The following ROCK1 variants were observed in gnomAD, a reference collection of about 807,000 sequenced individuals.
The protein encoded by ROCK1 is rho-associated protein kinase 1.
A neutral mutation model predicts 196.8 loss-of-function variants in ROCK1; 36 were observed. The ratio of observed to expected loss-of-function variants is 0.18; its 90% confidence interval spans 0.14 to 0.24. ROCK1 has a LOEUF of 0.24. Among genes scored for constraint, ROCK1 ranks in the 10% least tolerant of loss-of-function variants. The pLI is 1.00. For synonymous variants in ROCK1, 443 were observed against 515.9 expected, an observed-to-expected ratio of 0.86 and a Z score of 1.91; for missense variants, 920 against 1,562.0, an observed-to-expected ratio of 0.59 and a Z score of 6.93.
chr18:21,058,397 T>C (rs2036261949), intron 2 of ROCK1, among the ~76,000 whole-genome samples: 1 of 152,190 alleles, frequency 6.6e-6, no homozygotes, highest in Non-Finnish European at 1.5e-5. Flanking sequence ...TTCAAAGTTT[T>C]TTTAAATGTC....
At chr18:21,067,645 C>T (rs1490635794) in intron 2 of ROCK1, among the ~76,000 whole-genome samples, 1 of 152,124 alleles carries the variant, frequency 6.6e-6, no homozygotes, top group East Asian at 1.9e-4. Flanking sequence ...CCTCAGCCTC[C>T]CAAAGTGCTG....
chr18:21,002,137 T>C (rs2035730449), intron 16 of ROCK1, among the ~76,000 whole-genome samples: 1 of 152,172 alleles, frequency 6.6e-6, no homozygotes, highest in Admixed American at 6.6e-5. Context: ...TAAAATCACC[T>C]ACAAACATTG....
intron 16 of ROCK1, among the ~76,000 whole-genome samples, chr18:21,001,577 CAACATGGTGA>C (rs2035724570): frequency 6.6e-6 from 1 of 151,758 alleles, no homozygotes; most frequent in Non-Finnish European, 1.5e-5. Context: ...ACATCCTGGC[CAACATGGTGA>C]AACCCTGTCT....
chr18:21,071,118 T>C (rs1218126885), intron 1 of ROCK1, among the ~76,000 whole-genome samples: 1 of 152,088 alleles, frequency 6.6e-6, no homozygotes, highest in Non-Finnish European at 1.5e-5. Flanking sequence ...CTTTCTTTCT[T>C]TGAGGCACTT....
chr18:21,032,695 T>C (rs1337066596), intron 9 of ROCK1, among the ~76,000 whole-genome samples: 1 of 150,716 alleles, frequency 6.6e-6, no homozygotes, highest in Non-Finnish European at 1.5e-5. Context: ...ATTTTTTTTT[T>C]TTTTTTTGTA....
At chr18:21,085,871 T>C (rs570981057) in intron 1 of ROCK1, among the ~76,000 whole-genome samples, 2 of 152,144 alleles carry the variant, frequency 1.3e-5, no homozygotes, top group Non-Finnish European at 2.9e-5. Context: ...GTCACAAAAA[T>C]ATATTCACGG....
rs1568367428 is a variant in ROCK1 at position 20,959,105 on chromosome 18, A to ATATATTATATAATATATATAATAT, written c.3512+734_3512+735insATATTATATATATTATATAATATA. On this transcript the variant is annotated intron_variant, in intron 29 of 32. Transcript: ENST00000399799. ...ATATATTTTATATAATATATATATTATATATATATTATATAATATATATAT... is the reference window on the plus strand; with the variant it reads ...ATATATTTTATATAATATATATATTATATATTATATAATATATATAATATTATATATATTATATAATATATATAT... Among the ~76,000 whole-genome samples, 33 of 33,884 alleles carry ATATATTATATAATATATATAATAT rather than the reference A, an allele frequency of 9.7e-4. 1 individual carries two copies. Among genetic ancestry groups the ATATATTATATAATATATATAATAT allele is most frequent in the African/African-American group, 7.8e-3 (33 of 4,256 alleles). The allele number at this position is 33,884 out of a possible 152,430, so 22.2% of individuals were successfully genotyped here.
chr18:21,010,772 G>A (rs139284382), intron 13 of ROCK1, among the ~76,000 whole-genome samples: 48 of 152,244 alleles, frequency 3.2e-4, no homozygotes, highest in African/African-American at 1.0e-3. Flanking sequence ...TGATTCTTAC[G>A]GGTGCTGAAG....
At chr18:21,065,416 T>C (rs1426707140) in intron 2 of ROCK1, among the ~76,000 whole-genome samples, 1 of 152,182 alleles carries the variant, frequency 6.6e-6, no homozygotes, top group African/African-American at 2.4e-5. Flanking sequence ...CGGAGGTTCA[T>C]GAATTTTCTT....
At chr18:21,058,939 A>C (rs920460596) in intron 2 of ROCK1, among the ~76,000 whole-genome samples, 4 of 152,196 alleles carry the variant, frequency 2.6e-5, no homozygotes, top group Admixed American at 2.0e-4. Flanking sequence ...CACTCTAGGA[A>C]GATGTGCTAC....
At chr18:20,970,246 A>T in intron 23 of ROCK1, 102 bp downstream of exon 23, 1 of 784,708 alleles carries the variant, frequency 1.3e-6, no homozygotes, top group Non-Finnish European at 2.0e-6. Flanking sequence ...GTATTAACAT[A>T]GAAGTAAATA....
chr18:20,962,166 A>G (rs1437522424), intron 27 of ROCK1, among the ~76,000 whole-genome samples: 3 of 152,154 alleles, frequency 2.0e-5, no homozygotes, highest in Non-Finnish European at 4.4e-5. Context: ...AAAACCAAAC[A>G]GGCAGTTTTA....
Position 20,951,147 on chromosome 18 carries a change from C to T in ROCK1, c.*237G>A. The T allele has an allele frequency of 2.6e-6, 1 of 389,492 alleles. No homozygotes were observed. The highest frequency in any genetic ancestry group is 4.7e-6 in the Non-Finnish European group (1 of 212,166). The allele number at this position is 389,492 out of a possible 1,614,324, so 24.1% of individuals were successfully genotyped here. A position where few individuals can be genotyped will look rare whatever the true frequency, so the allele number is the denominator to read the frequency against. On this transcript the variant is annotated 3_prime_UTR_variant, in exon 33 of 33. Transcript: ENST00000399799. The stretch of plus-strand genomic sequence containing the variant: ...AAAAAAATATATCTACCTAAGCTTT[C>T]CCCCAACTGTACTTGCATTACATAG...
At position 21,006,447 on chromosome 18, in the gene ROCK1, A is replaced by T. The variant is rs2143437302; in HGVS notation, c.1789T>A (p.Ser597Thr). The T allele has an allele frequency of 6.2e-7, 1 of 1,613,676 alleles. No individual in the cohort carries two copies. The highest frequency in any genetic ancestry group is 8.5e-7 in the Non-Finnish European group (1 of 1,179,926). The change falls in exon 16 of 33, where the codon TCA (serine) becomes ACA (threonine). Residue 597 changes from serine to threonine, a missense_variant. By Grantham distance (58) the Ser-to-Thr change is moderately conservative. Coordinates refer to ENST00000399799, the MANE Select transcript of ROCK1 (RefSeq NM_005406.3). ...TGGTAATAATCTTTGTCTGTTTGTG[A>T]CTTAGAATTCTCTAAAATTCGATTT... ...ERNRILENSK[S>T]QTDKDYYQLQ...
chr18:20,957,005 T>C (rs977033271), intron 29 of ROCK1, among the ~76,000 whole-genome samples: 1 of 152,084 alleles, frequency 6.6e-6, no homozygotes, highest in Non-Finnish European at 1.5e-5. Flanking sequence ...AAATCAAAGG[T>C]TGATATCACC....
At chr18:21,038,864 G>A (rs935771032) in intron 9 of ROCK1, among the ~76,000 whole-genome samples, 2 of 152,206 alleles carry the variant, frequency 1.3e-5, no homozygotes, top group African/African-American at 4.8e-5. Context: ...CAGCTATGTT[G>A]TAGAGTTTTC....
At chr18:21,013,974 G>A (rs1181092515) in intron 13 of ROCK1, among the ~76,000 whole-genome samples, 1 of 151,408 alleles carries the variant, frequency 6.6e-6, no homozygotes, top group Non-Finnish European at 1.5e-5. Context: ...GCTGAGGCAG[G>A]AGAATAGCGT....
At chr18:21,081,162 A>G (rs2036479731) in intron 1 of ROCK1, among the ~76,000 whole-genome samples, 1 of 152,182 alleles carries the variant, frequency 6.6e-6, no homozygotes, top group Non-Finnish European at 1.5e-5. Flanking sequence ...AAAATGACAC[A>G]AAGTATCTTT....
intron 22 of ROCK1, among the ~76,000 whole-genome samples, chr18:20,978,423 T>C (rs977026144): frequency 9.2e-5 from 14 of 152,350 alleles, no homozygotes; most frequent in Admixed American, 7.8e-4. Context: ...CTTTCCAGGA[T>C]GTCAGAAATG....
Sources: gnomAD v4.1 joint callset for allele counts (sites outside exome capture counted in the v4.1 genomes callset) on GRCh38, gnomAD v4.1.1 for gene constraint, MANE v1.5 for transcripts, NCBI Gene and HGNC (gene_info 2026-07-23, HGNC 2026-07-21) for gene names.